Variants in C1QTNF3 observed in about 807,000 individuals in gnomAD.
C1QTNF3 encodes the protein C1q and TNF related 3.
A neutral mutation model predicts 32.6 loss-of-function variants in C1QTNF3; 26 were observed. That is an observed-to-expected ratio of 0.80 (90% CI 0.58 to 1.11). C1QTNF3 has a LOEUF of 1.11. C1QTNF3 is among the 50% of genes least tolerant of loss of function. The pLI is 0.00. For synonymous variants in C1QTNF3, 155 were observed against 146.0 expected (o/e 1.06, Z -0.44); for missense variants, 362 against 398.2 (o/e 0.91, Z 0.77).
At chr5:34,172,300 G>A in the C1QTNF3 span, among the ~76,000 whole-genome samples, 1 of 151,882 alleles carries the variant, frequency 6.6e-6, no homozygotes, top group Non-Finnish European at 1.5e-5. Flanking sequence ...CATTTATAAT[G>A]TACTGTAATA....
chr5:34,108,196 T>C, the C1QTNF3 span, among the ~76,000 whole-genome samples: 1 of 152,074 alleles, frequency 6.6e-6, no homozygotes. Flanking sequence ...TTATATCATA[T>C]CACTTCTTCA....
At chr5:34,117,339 C>G in the C1QTNF3 span, among the ~76,000 whole-genome samples, 50 of 152,302 alleles carry the variant, frequency 3.3e-4, no homozygotes, top group Non-Finnish European at 5.4e-4. Flanking sequence ...TTAGATTATA[C>G]TGACTTAGGT....
chr5:34,022,554 G>C (rs750500209), intron 5 of C1QTNF3, among the ~76,000 whole-genome samples: 33 of 152,310 alleles, frequency 2.2e-4, no homozygotes, highest in Middle Eastern at 6.8e-3. Flanking sequence ...CAGGGAGATG[G>C]GGAGACATGT....
the C1QTNF3 span, among the ~76,000 whole-genome samples, chr5:34,070,830 A>G: frequency 6.6e-6 from 1 of 152,108 alleles, no homozygotes; most frequent in Non-Finnish European, 1.5e-5. Context: ...AAACACTGTA[A>G]GCAATTTATT....
the C1QTNF3 span, among the ~76,000 whole-genome samples, chr5:34,117,648 T>G: frequency 6.6e-6 from 1 of 151,808 alleles, no homozygotes; most frequent in South Asian, 2.1e-4. Flanking sequence ...ATACAAAAAT[T>G]AGCTGGGCAT....
chr5:34,135,351 T>C, the C1QTNF3 span, among the ~76,000 whole-genome samples: 1 of 152,202 alleles, frequency 6.6e-6, no homozygotes, highest in East Asian at 1.9e-4. Context: ...GCATTGATGT[T>C]CATCAGGGAT....
At chr5:34,068,887 T>A in the C1QTNF3 span, among the ~76,000 whole-genome samples, 5 of 152,156 alleles carry the variant, frequency 3.3e-5, no homozygotes, top group African/African-American at 1.2e-4. Context: ...AATTATTTGA[T>A]TAGTTATAGA....
the C1QTNF3 span, among the ~76,000 whole-genome samples, chr5:34,210,058 A>G: frequency 1.3e-5 from 2 of 152,054 alleles, no homozygotes; most frequent in African/African-American, 2.4e-5. Flanking sequence ...AGAGGAATGA[A>G]TTGATTTTTT....
At chr5:34,056,444 GTGTGTGTGTGTATATA>G in the C1QTNF3 span, among the ~76,000 whole-genome samples, 64 of 40,186 alleles carry the variant, frequency 1.6e-3, no homozygotes, top group Admixed American at 5.5e-3. Flanking sequence ...GTGTGTGTGT[GTGTGTGTGTGTATATA>G]TATATATATA....
the C1QTNF3 span, chr5:34,218,242 A>C: frequency 6.6e-6 from 1 of 152,334 alleles, no homozygotes; most frequent in Non-Finnish European, 1.5e-5. Flanking sequence ...CAATAGAATC[A>C]TAGCAGAAGT....
At chr5:34,138,041 T>C in the C1QTNF3 span, among the ~76,000 whole-genome samples, 1 of 152,234 alleles carries the variant, frequency 6.6e-6, no homozygotes, top group Admixed American at 6.5e-5. Flanking sequence ...ACCAGACAAA[T>C]GCACACACTA....
At chr5:34,237,949 G>A in the C1QTNF3 span, among the ~76,000 whole-genome samples, 1 of 152,178 alleles carries the variant, frequency 6.6e-6, no homozygotes, top group Admixed American at 6.5e-5. Context: ...CCAAGCCACT[G>A]GGTATTAGGC....
the C1QTNF3 span, among the ~76,000 whole-genome samples, chr5:34,090,654 TGGA>T: frequency 4.5e-4 from 68 of 152,354 alleles, no homozygotes; most frequent in African/African-American, 1.6e-3. Flanking sequence ...TGATGATATT[TGGA>T]GGTGGGGTCT....
At chr5:34,119,883 C>T in the C1QTNF3 span, among the ~76,000 whole-genome samples, 3 of 152,276 alleles carry the variant, frequency 2.0e-5, no homozygotes, top group East Asian at 5.8e-4. Context: ...CGCCAAATTC[C>T]ATCTGAACCC....
chr5:34,075,338 G>A, the C1QTNF3 span, among the ~76,000 whole-genome samples: 1 of 151,542 alleles, frequency 6.6e-6, no homozygotes, highest in Non-Finnish European at 1.5e-5. Context: ...ATTCACAAGA[G>A]TTAAAAATAA....
At chr5:34,066,887 A>T in the C1QTNF3 span, among the ~76,000 whole-genome samples, 1 of 152,008 alleles carries the variant, frequency 6.6e-6, no homozygotes, top group African/African-American at 2.4e-5. Context: ...CAGGCTGCAA[A>T]TTTTCTGAAC....
At chr5:34,099,273 A>G in the C1QTNF3 span, among the ~76,000 whole-genome samples, 8 of 152,318 alleles carry the variant, frequency 5.3e-5, 1 homozygote, top group East Asian at 1.5e-3. Flanking sequence ...TTATAAAACT[A>G]TACTTTAATG....
chr5:34,082,064 AT>A, the C1QTNF3 span, among the ~76,000 whole-genome samples: 5 of 151,688 alleles, frequency 3.3e-5, no homozygotes, highest in Non-Finnish European at 7.4e-5. Flanking sequence ...TAAGGGACAC[AT>A]TTTTACAGAC....
At chr5:34,176,607 G>A in the C1QTNF3 span, among the ~76,000 whole-genome samples, 1 of 152,136 alleles carries the variant, frequency 6.6e-6, no homozygotes, top group Admixed American at 6.6e-5. Flanking sequence ...TTTAGGTCAG[G>A]TGTGCTGGCT....
Sources: gnomAD v4.1 joint callset for allele counts (sites outside exome capture counted in the v4.1 genomes callset) on GRCh38, gnomAD v4.1.1 for gene constraint, MANE v1.5 for transcripts, NCBI Gene and HGNC (gene_info 2026-07-23, HGNC 2026-07-21) for gene names.